Variants in ANKRD26 observed in about 807,000 individuals in gnomAD.
The protein encoded by ANKRD26 is ankyrin repeat domain 26, also known as ankyrin repeat domain-containing protein 26.
Under a neutral mutation model 208.7 loss-of-function variants are expected in ANKRD26, and 141 were observed. The observed-to-expected ratio is 0.68, with a 90% CI of 0.59 to 0.78. The LOEUF (loss-of-function observed/expected upper bound fraction) is 0.78. Ranked by LOEUF, ANKRD26 falls within the 30% of genes least tolerant of loss-of-function variation. The probability of loss-of-function intolerance (pLI) is 0.00; values close to 1 mark genes in which losing one functional copy is unlikely to be tolerated. For synonymous variants in ANKRD26, 636 were observed against 660.4 expected (o/e 0.96, Z 0.57); for missense variants, 1,889 against 1,938.7 (o/e 0.97, Z 0.48).
chr10:26,967,951 TG>T, the ANKRD26 span, among the ~76,000 whole-genome samples: 2 of 152,170 alleles, frequency 1.3e-5, no homozygotes, highest in Non-Finnish European at 2.9e-5. Flanking sequence ...CCTCCAGCCT[TG>T]CCCCCTCCCT....
At chr10:26,978,719 G>T (rs1275342251) in intron 5 of ANKRD26, among the ~76,000 whole-genome samples, 1 of 152,192 alleles carries the variant, frequency 6.6e-6, no homozygotes, top group Non-Finnish European at 1.5e-5. Flanking sequence ...GGGCATGTAT[G>T]CGCAAGCCAC....
intron 24 of ANKRD26, 70 bp from the exon 25 acceptor site, chr10:27,033,447 G>T: frequency 7.0e-7 from 1 of 1,429,038 alleles, no homozygotes; most frequent in Non-Finnish European, 9.6e-7. Flanking sequence ...AATAAATTAT[G>T]TTAATAATAT....
chr10:27,024,745 C>A (rs779981407), intron 27 of ANKRD26, among the ~76,000 whole-genome samples, 186 bp from the exon 28 acceptor site: 3 of 152,020 alleles, frequency 2.0e-5, no homozygotes, highest in Non-Finnish European at 4.4e-5. Flanking sequence ...TATCTCTTTT[C>A]TGGAATTTAA....
In ANKRD26 at chr10:27,035,753, CT is replaced by C; in HGVS notation, c.2698-2del. The C allele has an allele frequency of 6.3e-7, 1 of 1,597,196 alleles. No individual in the cohort carries two copies. The highest frequency in any genetic ancestry group is 8.6e-7 in the Non-Finnish European group (1 of 1,168,628). On this transcript the variant is annotated splice_acceptor_variant, in intron 23 of 33. Transcript: ENST00000376087. LOFTEE classifies it high-confidence loss of function. ...TTTCTTCTTCATGACTATGAGAATT[CT>C]AAGTAAAACAAAGGAAACTTTGAGC...
the ANKRD26 span, among the ~76,000 whole-genome samples, chr10:26,948,838 CA>C: frequency 2.0e-5 from 3 of 151,944 alleles, no homozygotes; most frequent in African/African-American, 7.3e-5. Context: ...AAAGACCCCC[CA>C]AAAAAATTAG....
At chr10:27,019,449 G>C (rs1350510647) in intron 29 of ANKRD26, among the ~76,000 whole-genome samples, 1 of 152,098 alleles carries the variant, frequency 6.6e-6, no homozygotes, top group Non-Finnish European at 1.5e-5. Context: ...CCCAACCAAA[G>C]TTCCAGCCAA....
At chr10:27,054,888 A>AT (rs1343952985) in intron 15 of ANKRD26, among the ~76,000 whole-genome samples, 1 of 152,180 alleles carries the variant, frequency 6.6e-6, no homozygotes, top group Non-Finnish European at 1.5e-5. Flanking sequence ...TAATCTTAAG[A>AT]TGTTTGAACA....
chr10:27,012,741 C>A, intron 32 of ANKRD26, 141 bp downstream of exon 32: 3 of 731,580 alleles, frequency 4.1e-6, no homozygotes, highest in Non-Finnish European at 6.8e-6. Context: ...TGAACCTAGA[C>A]ATAGAGGTTG....
At position 26,992,469 on chromosome 10, in the gene ANKRD26, TACACACAC is replaced by T. The variant is rs61459601; in HGVS notation, c.*30-472_*30-465del. 2.1e-3 allele frequency among the ~76,000 whole-genome samples: 289 copies of T among 136,384 alleles called. 3 individuals carry two copies. The highest frequency in any genetic ancestry group is 7.2e-3 in the Middle Eastern group (2 of 276). 89.5% of individuals were successfully genotyped at this position (136,384 alleles called of 152,430 possible). On this transcript the variant is annotated intron_variant, in intron 5 of 5. Transcript: ENST00000445828. ...AAAAGAAAGATAAAATACACACACG[TACACACAC>T]ACACACACACACACACACACACACA... is the stretch of plus-strand genomic sequence containing the variant.
rs192671155 is a variant in ANKRD26 at position 27,095,218 on chromosome 10, T to A, written c.243-1419A>T. On this transcript the variant is annotated intron_variant, in intron 1 of 33. Transcript: ENST00000376087. ...ACTTCAACACAAAAGAAACTCAGGATTCAAATGAATAGGTTGGCTCATTTT... is the reference window on the plus strand; with the variant it reads ...ACTTCAACACAAAAGAAACTCAGGAATCAAATGAATAGGTTGGCTCATTTT... 1.5e-3 allele frequency among the ~76,000 whole-genome samples: 229 copies of A among 152,338 alleles called. 2 individuals are homozygous for A. The highest frequency in any genetic ancestry group is 5.4e-3 in the African/African-American group (223 of 41,580).
Position 27,093,695 on chromosome 10 carries a change from G to A in ANKRD26, c.347C>T (p.Ala116Val). The change falls in exon 2 of 34, where the codon GCT becomes GTT. Residue 116 changes from alanine to valine, a missense_variant. Transcript: ENST00000376087. ...CTGGCTACTATATACCTTCATCAGA[G>A]CTGTCCTGTTTTCGTTGTCACAGAC... is the stretch of plus-strand genomic sequence containing the variant. ...LNVCDNENRT[A>V]LMKAVQCQEE... is the part of the protein sequence containing the mutation. 6.2e-7 allele frequency: 1 copy of A among 1,613,762 alleles called. No individual in the cohort carries two copies. Among genetic ancestry groups the A allele is most frequent in the East Asian group, 2.2e-5 (1 of 44,884 alleles).
In ANKRD26 at chr10:27,094,187, C is replaced by A. The variant is rs1222399561; in HGVS notation, c.243-388G>T. 6.6e-5 allele frequency among the ~76,000 whole-genome samples: 10 copies of A among 152,248 alleles called. No individual in the cohort carries two copies. In the South Asian group the frequency reaches 2.1e-3, roughly 32 times the overall value. ...ATTGTTAAGTTTCCTGAGGCCTCCCCAACCAGGCTGAACTGTGAGTTAATT... is the reference window on the plus strand; with the variant it reads ...ATTGTTAAGTTTCCTGAGGCCTCCCAAACCAGGCTGAACTGTGAGTTAATT... On this transcript the variant is annotated intron_variant, in intron 1 of 33. Transcript: ENST00000376087.
At position 27,035,270 on chromosome 10, in the gene ANKRD26, C is replaced by A. The variant is rs1021758977; in HGVS notation, c.3180G>T (p.Glu1060Asp). The A allele has an allele frequency of 2.5e-6, 4 of 1,613,876 alleles. No individual in the cohort carries two copies. Among genetic ancestry groups the A allele is most frequent in the Non-Finnish European group, 3.4e-6 (4 of 1,179,892 alleles). The stretch of plus-strand genomic sequence containing the variant: ...TTTTAAATAGTTGTTGAGAAAGAAT[C>A]TCATTGTTATCTTTTAGGTTAGACA... Reference protein sequence around the residue: ...FDVSNLKDNNEILSQQLFKTE... With the variant: ...FDVSNLKDNNDILSQQLFKTE... The change falls in exon 24 of 34, where the codon GAG (glutamate) becomes GAT (aspartate). Residue 1060 changes from glutamate to aspartate, a missense_variant. By Grantham distance (45) the Glu-to-Asp change is conservative. Around this residue, in one of 3 missense-constraint regions of ANKRD26, gnomAD observed 1,272 missense variants for 1,273.8 expected, o/e 1.00. Transcript: ENST00000376087.
At chr10:27,033,459 T>G in intron 24 of ANKRD26, 82 bp from the exon 25 acceptor site, 1 of 1,374,650 alleles carries the variant, frequency 7.3e-7, no homozygotes, top group South Asian at 1.3e-5. Flanking sequence ...TAATAATATT[T>G]AACTATGACA....
chr10:27,062,702 C>G (rs1037782585), intron 12 of ANKRD26, among the ~76,000 whole-genome samples: 1 of 151,958 alleles, frequency 6.6e-6, no homozygotes, highest in African/African-American at 2.4e-5. Flanking sequence ...CAACCCTACT[C>G]TCTTCTTTCC....
intron 32 of ANKRD26, among the ~76,000 whole-genome samples, chr10:27,011,487 A>C (rs1247502902): frequency 1.3e-5 from 2 of 150,990 alleles, no homozygotes; most frequent in African/African-American, 5.0e-5. Context: ...AGTATCTTAA[A>C]CTGGATCAAG....
chr10:27,086,323 A>T (rs1034713340), intron 5 of ANKRD26, among the ~76,000 whole-genome samples: 1 of 152,114 alleles, frequency 6.6e-6, no homozygotes, highest in Non-Finnish European at 1.5e-5. Flanking sequence ...AAGTAAATGA[A>T]TTTTTTTCAG....
intron 17 of ANKRD26, among the ~76,000 whole-genome samples, chr10:27,048,244 A>G (rs1001125866): frequency 6.6e-6 from 1 of 152,192 alleles, no homozygotes; most frequent in Non-Finnish European, 1.5e-5. Flanking sequence ...TGAGAGCCCA[A>G]CATTTGGGAT....
intron 18 of ANKRD26, among the ~76,000 whole-genome samples, chr10:27,045,415 C>T (rs2054406610): frequency 6.8e-6 from 1 of 146,900 alleles, no homozygotes; most frequent in Non-Finnish European, 1.5e-5. Context: ...CGGAACAAGA[C>T]TCTGACTTAA....
Sources: gnomAD v4.1 joint callset for allele counts (sites outside exome capture counted in the v4.1 genomes callset) on GRCh38, gnomAD v4.1.1 for gene constraint, gnomAD v4.1.1 regional missense constraint, MANE v1.5 for transcripts, NCBI Gene and HGNC (gene_info 2026-07-23, HGNC 2026-07-21) for gene names.